The following ADGRL2 variants were observed in gnomAD, a reference collection of about 807,000 sequenced individuals.
ADGRL2 encodes adhesion G protein-coupled receptor L2, also known as calcium-independent alpha-latrotoxin receptor 2.
Under a neutral mutation model 157.4 loss-of-function variants are expected in ADGRL2, and 44 were observed. The ratio of observed to expected loss-of-function variants is 0.28; its 90% CI spans 0.22 to 0.36. ADGRL2 has a LOEUF of 0.36. ADGRL2 is among the 10% of genes least tolerant of loss of function. The pLI is 1.00. For synonymous variants in ADGRL2, 585 were observed against 624.7 expected (o/e 0.94, Z 0.95); for missense variants, 1,510 against 1,768.9 (o/e 0.85, Z 2.63).
At position 81,526,713 on chromosome 1, in the gene ADGRL2, T is replaced by C. The variant is rs568831150; in HGVS notation, c.-247-54163T>C. On this transcript the variant is annotated intron_variant, in intron 2 of 24. Transcript: ENST00000370721. ...CTGCTTTAAAAACAGTTTCTACTTATGTAAATATGCCTACCTTGCTATTAC... is the reference window on the plus strand; with the variant it reads ...CTGCTTTAAAAACAGTTTCTACTTACGTAAATATGCCTACCTTGCTATTAC... 1.5e-3 allele frequency among the ~76,000 whole-genome samples: 230 copies of C among 152,368 alleles called. 1 individual carries two copies. Among genetic ancestry groups the C allele is most frequent in the Non-Finnish European group, 2.7e-3 (182 of 68,036 alleles).
intron 2 of ADGRL2, among the ~76,000 whole-genome samples, chr1:81,763,019 G>T (rs2085945956): frequency 1.6e-5 from 2 of 127,988 alleles, no homozygotes; most frequent in Admixed American, 1.9e-4. Flanking sequence ...CTGCACTCCA[G>T]TCTGGGTGAC....
chr1:81,476,534 T>A (rs1250393877), intron 2 of ADGRL2, among the ~76,000 whole-genome samples: 1 of 152,130 alleles, frequency 6.6e-6, no homozygotes, highest in Admixed American at 6.5e-5. Flanking sequence ...CAAGCCCAGA[T>A]CCTTCTTCTC....
chr1:81,617,254 G>A lies in ADGRL2; in HGVS notation c.-143+36274G>A, dbSNP rs367604208. On this transcript the variant is annotated intron_variant, in intron 3 of 24. Coordinates refer to the ADGRL2 transcript ENST00000370721. The stretch of plus-strand genomic sequence containing the variant: ...CCCTATTGTGAACTGTGCATGCCTC[G>A]GATCTAGGTTGCACTCGTTATGAGA... Among the ~76,000 whole-genome samples, 31 of 152,242 alleles carry A rather than the reference G, an allele frequency of 2.0e-4. 3 individuals are homozygous for A. The highest frequency in any genetic ancestry group is 1.4e-3 in the East Asian group (7 of 5,134).
At chr1:81,437,132 C>T (rs773668196) in intron 1 of ADGRL2, among the ~76,000 whole-genome samples, 1 of 152,190 alleles carries the variant, frequency 6.6e-6, no homozygotes, top group Non-Finnish European at 1.5e-5. Context: ...ATTTCACTAT[C>T]CAGTCTATTA....
At chr1:81,329,564 C>T (rs939285376) in intron 1 of ADGRL2, among the ~76,000 whole-genome samples, 13 of 152,230 alleles carry the variant, frequency 8.5e-5, no homozygotes, top group South Asian at 2.1e-4. Context: ...AAAAGCTAAA[C>T]GGGTATTCTG....
At chr1:81,769,516 T>G (rs181806389) in intron 2 of ADGRL2, among the ~76,000 whole-genome samples, 1 of 152,138 alleles carries the variant, frequency 6.6e-6, no homozygotes, top group Admixed American at 6.5e-5. Flanking sequence ...ACCTAATTTG[T>G]GGCTCCTTGT....
chr1:81,719,716 A>G (rs2084233526), intron 1 of ADGRL2, among the ~76,000 whole-genome samples: 1 of 152,156 alleles, frequency 6.6e-6, no homozygotes, highest in Non-Finnish European at 1.5e-5. Flanking sequence ...GGTGCATCAT[A>G]TATCATCCCT....
intron 1 of ADGRL2, among the ~76,000 whole-genome samples, chr1:81,415,248 A>G (rs1272007827): frequency 6.6e-6 from 1 of 152,240 alleles, no homozygotes; most frequent in African/African-American, 2.4e-5. Flanking sequence ...TAAACAAATT[A>G]GTAGTATCAC....
intron 1 of ADGRL2, among the ~76,000 whole-genome samples, chr1:81,724,626 C>A (rs916050993): frequency 6.6e-6 from 1 of 152,042 alleles, no homozygotes; most frequent in Non-Finnish European, 1.5e-5. Context: ...GTATAGACAT[C>A]GTACCTGACA....
chr1:81,456,856 T>C (rs1428704248), intron 2 of ADGRL2, among the ~76,000 whole-genome samples: 1 of 152,110 alleles, frequency 6.6e-6, no homozygotes, highest in Non-Finnish European at 1.5e-5. Flanking sequence ...TCTTCTGTTT[T>C]CCTCCTCTTT....
At chr1:81,581,758 T>C (rs2080914643) in intron 3 of ADGRL2, among the ~76,000 whole-genome samples, 2 of 152,154 alleles carry the variant, frequency 1.3e-5, no homozygotes, top group Non-Finnish European at 2.9e-5. Flanking sequence ...ACTGTGCTAG[T>C]TGCATGTAGG....
chr1:81,849,313 A>G (rs2092915610), intron 2 of ADGRL2, among the ~76,000 whole-genome samples: 1 of 151,946 alleles, frequency 6.6e-6, no homozygotes, highest in African/African-American at 2.4e-5. Context: ...AATACAGCCT[A>G]GAAGAACAAA....
intron 1 of ADGRL2, among the ~76,000 whole-genome samples, chr1:81,802,415 C>A (rs12759035): frequency 6.1e-4 from 93 of 152,116 alleles, no homozygotes; most frequent in Admixed American, 1.2e-3. Flanking sequence ...CTCCCTCCCC[C>A]CAATCTCCTC....
intron 3 of ADGRL2, among the ~76,000 whole-genome samples, chr1:81,602,974 G>T (rs1215997344): frequency 6.6e-6 from 1 of 151,940 alleles, no homozygotes; most frequent in South Asian, 2.1e-4. Context: ...CTGGTGGTAA[G>T]GTGAGGAAGG....
Position 81,836,849 on chromosome 1 carries a change from A to G in ADGRL2, c.-100-36A>G, listed in dbSNP as rs1378131672. The G allele has an allele frequency of 5.3e-6, 3 of 561,932 alleles. No homozygotes were observed. In the African/African-American group the frequency reaches 5.9e-5, roughly 11 times the overall value. 34.8% of individuals were successfully genotyped at this position (561,932 alleles called of 1,614,324 possible). On this transcript the variant is annotated intron_variant, in intron 1 of 23. Coordinates refer to ENST00000686636, the MANE Select transcript of ADGRL2 (RefSeq NM_001366006.2). Reference sequence around the variant, plus strand: ...GAGAATTGTTTTGTTATGTAGAAAGACCATAGAGTAAGTGATGGATTTGTT... The same window carrying G: ...GAGAATTGTTTTGTTATGTAGAAAGGCCATAGAGTAAGTGATGGATTTGTT...
chr1:81,936,820 A>T lies in ADGRL2; in HGVS notation c.380A>T (p.Tyr127Phe). Residue 127 changes from tyrosine to phenylalanine, a missense_variant, in exon 4 of 24, where the codon TAT (tyrosine) becomes TTT (phenylalanine). Around this residue, in one of 4 missense-constraint regions of ADGRL2, gnomAD observed 361 missense variants for 498.4 expected, o/e 0.72. Coordinates refer to ENST00000686636, the MANE Select transcript of ADGRL2 (RefSeq NM_001366006.2). ...PGTYKYLEVQ[Y>F]ECVPYMEQKV... ...ACATACAAATACCTTGAAGTCCAAT[A>T]TGAATGTGTCCCTTACAGTAAGTAT... 6.2e-7 allele frequency: 1 copy of T among 1,603,210 alleles called. No homozygotes were observed. The highest frequency in any genetic ancestry group is 8.5e-7 in the Non-Finnish European group (1 of 1,170,418).
chr1:81,429,425 G>A (rs1570943991), intron 1 of ADGRL2, among the ~76,000 whole-genome samples: 1 of 152,128 alleles, frequency 6.6e-6, no homozygotes, highest in African/African-American at 2.4e-5. Context: ...GAGGAGGAGG[G>A]TCTATATTCC....
At chr1:81,869,396 TATAAAG>T (rs2093634067) in intron 2 of ADGRL2, among the ~76,000 whole-genome samples, 1 of 152,140 alleles carries the variant, frequency 6.6e-6, no homozygotes. Flanking sequence ...TAAACTACAG[TATAAAG>T]ATACACAGAT....
At chr1:81,673,073 A>G (rs1171436890) in intron 3 of ADGRL2, among the ~76,000 whole-genome samples, 2 of 152,160 alleles carry the variant, frequency 1.3e-5, no homozygotes, top group African/African-American at 2.4e-5. Flanking sequence ...GACTTTTATA[A>G]TTTTCCAGCT....
Sources: gnomAD v4.1 joint callset for allele counts (sites outside exome capture counted in the v4.1 genomes callset) on GRCh38, gnomAD v4.1.1 for gene constraint, gnomAD v4.1.1 regional missense constraint, MANE v1.5 for transcripts, NCBI Gene and HGNC (gene_info 2026-07-23, HGNC 2026-07-21) for gene names.